C1D: variants seen among roughly 807,000 people sequenced by gnomAD.
C1D encodes nuclear nucleic acid-binding protein C1D.
Under a neutral mutation model 17.5 loss-of-function variants are expected in C1D, and 10 were observed. The ratio of observed to expected loss-of-function variants is 0.57; its 90% CI spans 0.35 to 0.97. C1D has a LOEUF of 0.97. Among genes scored for constraint, C1D ranks in the 50% least tolerant of loss-of-function variants. The pLI, the probability that C1D is intolerant of heterozygous loss-of-function variation, is 0.01. For missense variants in C1D, 136 were observed against 160.1 expected (o/e 0.85, Z 0.81); for synonymous variants, 49 against 54.0 (o/e 0.91, Z 0.40).
In C1D at chr2:68,045,971, A is replaced by T. The variant is rs1427103124; in HGVS notation, c.261+17T>A. ...ACAACAACAAACACATAAAATAAAA[A>T]GAAATTAAAATCTTACCAATTCCTG... On this transcript the variant is annotated intron_variant, in intron 4 of 4. Coordinates refer to ENST00000410067, the MANE Select transcript of C1D (RefSeq NM_173177.3). The T allele has an allele frequency of 6.5e-7, 1 of 1,541,846 alleles. No homozygotes were observed. The highest frequency in any genetic ancestry group is 1.8e-5 in the Admixed American group (1 of 54,596).
intron 4 of C1D, 77 bp from the exon 5 acceptor site, chr2:68,043,130 G>A (rs1380757329): frequency 5.5e-6 from 6 of 1,098,698 alleles, no homozygotes; most frequent in Non-Finnish European, 7.8e-6. Flanking sequence ...TGTACACCTT[G>A]GTTAAATTCA....
chr2:68,047,298 CT>C lies in C1D; in HGVS notation c.12del (p.Glu5LysfsTer8). 6.2e-7 allele frequency: 1 copy of C among 1,608,060 alleles called. No individual in the cohort carries two copies. The highest frequency in any genetic ancestry group is 1.3e-5 in the African/African-American group (1 of 74,732). ...TCTACTGGATAGTCTTCATTAATTT[CT>C]TCACCTGCCATTATGGCTGACTGGA... MAG[E>X]EINEDYPVEI... On this transcript the variant is annotated frameshift_variant, in exon 2 of 5. Coordinates refer to ENST00000410067, the MANE Select transcript of C1D (RefSeq NM_173177.3). LOFTEE classifies it high-confidence loss of function.
At chr2:68,051,368 T>A (rs920194147) in intron 1 of C1D, among the ~76,000 whole-genome samples, 12 of 149,184 alleles carry the variant, frequency 8.0e-5, no homozygotes, top group Non-Finnish European at 3.0e-5. Context: ...TTAAAATACA[T>A]ATTTATAGGC....
chr2:68,059,741 C>G (rs1224834541), intron 1 of C1D, among the ~76,000 whole-genome samples: 1 of 152,218 alleles, frequency 6.6e-6, no homozygotes, highest in Admixed American at 6.5e-5. Context: ...ACTGGCTGCT[C>G]AGTCTGTCTC....
At chr2:68,053,441 G>C (rs905780688) in intron 1 of C1D, among the ~76,000 whole-genome samples, 6 of 152,142 alleles carry the variant, frequency 3.9e-5, no homozygotes, top group African/African-American at 1.4e-4. Flanking sequence ...AATCCAATCA[G>C]TCCTGTCAAT....
At chr2:68,058,141 T>C (rs1423336603) in intron 1 of C1D, among the ~76,000 whole-genome samples, 3 of 152,240 alleles carry the variant, frequency 2.0e-5, no homozygotes, top group Admixed American at 1.3e-4. Flanking sequence ...CAAAATGTCA[T>C]GTAAATGAGT....
In C1D at chr2:68,062,671, G is replaced by C. The variant is rs76609245; in HGVS notation, c.-10+287C>G. 2.6e-3 allele frequency among the ~76,000 whole-genome samples: 400 copies of C among 152,230 alleles called. 3 individuals are homozygous for C. Among genetic ancestry groups the C allele is most frequent in the African/African-American group, 9.2e-3 (380 of 41,526 alleles). On this transcript the variant is annotated intron_variant, in intron 1 of 4. Coordinates refer to ENST00000410067, the MANE Select transcript of C1D (RefSeq NM_173177.3). ...TCTTCGTCTTCCAAGATTTGAGAAG[G>C]GGGTGGTTAACAAACGAAGAAAAAG... is the stretch of plus-strand genomic sequence containing the variant.
intron 2 of C1D, 41 bp from the exon 3 acceptor site, chr2:68,046,451 A>C: frequency 7.1e-7 from 1 of 1,399,944 alleles, no homozygotes. Flanking sequence ...AGAAAGTGAG[A>C]CAGAAAAAAA....
In C1D at chr2:68,047,124, C is replaced by G. The variant is rs200012288; in HGVS notation, c.138+49G>C. The G allele has an allele frequency of 5.4e-5, 81 of 1,500,268 alleles. 1 individual carries two copies. The highest frequency in any genetic ancestry group is 5.2e-4 in the South Asian group (42 of 81,332). The allele number at this position is 1,500,268 out of a possible 1,614,324, so 92.9% of individuals were successfully genotyped here. The stretch of plus-strand genomic sequence containing the variant: ...TTCTTCCACATGTTTCATAAAATAG[C>G]ATTCTGTTTTATGAAATTCATTTTT... On this transcript the variant is annotated intron_variant, in intron 2 of 4. Coordinates refer to ENST00000410067, the MANE Select transcript of C1D (RefSeq NM_173177.3).
intron 1 of C1D, among the ~76,000 whole-genome samples, chr2:68,059,390 C>T (rs1671552015): frequency 6.6e-6 from 1 of 152,200 alleles, no homozygotes; most frequent in South Asian, 2.1e-4. Flanking sequence ...ATAACAGTCT[C>T]CATTTTCTTG....
chr2:68,056,911 A>AG (rs1283743455), intron 1 of C1D, among the ~76,000 whole-genome samples: 2 of 152,198 alleles, frequency 1.3e-5, no homozygotes, highest in Admixed American at 6.5e-5. Context: ...TTTACTTCTC[A>AG]AAGTATATTT....
rs1217976223 is a variant in C1D at position 68,041,743 on chromosome 2, A to T, written c.*1146T>A. The T allele has an allele frequency of 6.6e-6, 1 of 152,048 alleles. No homozygotes were observed. The highest frequency in any genetic ancestry group is 1.5e-5 in the Non-Finnish European group (1 of 67,876). The allele number at this position is 152,048 out of a possible 1,614,324, so 9.4% of individuals were successfully genotyped here. ...ACTTATGGAGAATTAATCACACAGA[A>T]AATTTTAACAACTCCTTTTTCAAAA... On this transcript the variant is annotated 3_prime_UTR_variant, in exon 5 of 5. Coordinates refer to ENST00000410067, the MANE Select transcript of C1D (RefSeq NM_173177.3).
At chr2:68,046,700 G>A (rs1292831496) in intron 2 of C1D, 1 of 335,134 alleles carries the variant, frequency 3.0e-6, no homozygotes, top group African/African-American at 2.1e-5. Context: ...TTAATTTCGG[G>A]AGTTACGATC....
At chr2:68,044,222 G>C (rs1283693886) in intron 4 of C1D, among the ~76,000 whole-genome samples, 1 of 152,124 alleles carries the variant, frequency 6.6e-6, no homozygotes, top group African/African-American at 2.4e-5. Context: ...CCCTCCATTA[G>C]ATACAGTCTG....
chr2:68,050,963 ACT>A (rs1671262501), intron 1 of C1D, among the ~76,000 whole-genome samples: 1 of 151,578 alleles, frequency 6.6e-6, no homozygotes, highest in African/African-American at 2.4e-5. Context: ...ATCCTTGACT[ACT>A]CTCTCTCACT....
At chr2:68,049,852 A>C in intron 1 of C1D, among the ~76,000 whole-genome samples, 1 of 152,238 alleles carries the variant, frequency 6.6e-6, no homozygotes, top group East Asian at 1.9e-4. Flanking sequence ...ACATTTTTGA[A>C]AAGTCGTACA....
intron 1 of C1D, among the ~76,000 whole-genome samples, chr2:68,049,870 AG>A (rs1377796921): frequency 6.6e-6 from 1 of 152,248 alleles, no homozygotes; most frequent in East Asian, 1.9e-4. Context: ...ACATGGTAAA[AG>A]GATACCATAA....
rs965107162 is a variant in C1D at position 68,041,765 on chromosome 2, A to C, written c.*1124T>G. ...AGAAAATTTTAACAACTCCTTTTTC[A>C]AAAATTAAAGTACTTTACTATACTT... On this transcript the variant is annotated 3_prime_UTR_variant, in exon 5 of 5. Transcript: ENST00000410067. 1 of 152,034 alleles carries C rather than the reference A, an allele frequency of 6.6e-6. No homozygotes were observed. The highest frequency in any genetic ancestry group is 1.5e-5 in the Non-Finnish European group (1 of 67,870). The allele number at this position is 152,034 out of a possible 1,614,324, so 9.4% of individuals were successfully genotyped here. A position where few individuals can be genotyped will look rare whatever the true frequency, so the allele number is the denominator to read the frequency against.
In C1D at chr2:68,042,156, C is replaced by A. The variant is rs1476780128; in HGVS notation, c.*733G>T. 1 of 152,114 alleles carries A rather than the reference C, an allele frequency of 6.6e-6. No homozygotes were observed. The highest frequency in any genetic ancestry group is 1.5e-5 in the Non-Finnish European group (1 of 67,926). 9.4% of individuals were successfully genotyped at this position (152,114 alleles called of 1,614,324 possible). On this transcript the variant is annotated 3_prime_UTR_variant, in exon 5 of 5. Transcript: ENST00000410067. ...GTGATGACTTCTAAAACCTATCTTC[C>A]TAATTTGGAAGGCAAATTTACTCAA...
Sources: gnomAD v4.1 joint callset for allele counts (sites outside exome capture counted in the v4.1 genomes callset) on GRCh38, gnomAD v4.1.1 for gene constraint, MANE v1.5 for transcripts, NCBI Gene and HGNC (gene_info 2026-07-23, HGNC 2026-07-21) for gene names.